Variants in KCNMA1 observed in about 807,000 individuals in gnomAD.
KCNMA1 encodes potassium calcium-activated channel subfamily M alpha 1.
Under a neutral mutation model 140.0 loss-of-function variants are expected in KCNMA1, and 29 were observed. The observed-to-expected ratio is 0.21, with a 90% CI of 0.15 to 0.28. The LOEUF (loss-of-function observed/expected upper bound fraction) is 0.28, where lower values mean the gene tolerates loss of function less well. Among genes scored for constraint, KCNMA1 ranks in the 10% least tolerant of loss-of-function variants. The probability of loss-of-function intolerance (pLI) is 1.00; values close to 1 mark genes in which losing one functional copy is unlikely to be tolerated. For missense variants in KCNMA1, 880 were observed against 1,602.2 expected, an observed-to-expected ratio of 0.55 and a Z score of 7.70; for synonymous variants, 612 against 611.9, an observed-to-expected ratio of 1.00 and a Z score of 0.00.
intron 1 of KCNMA1, chr10:77,494,025 A>G (rs1323206345): frequency 6.6e-6 from 1 of 152,270 alleles, no homozygotes; most frequent in Non-Finnish European, 1.5e-5. Context: ...CAGGCTGAAC[A>G]AGACAGGGCC....
intron 2 of KCNMA1, among the ~76,000 whole-genome samples, chr10:77,291,050 A>G (rs183373114): frequency 6.6e-6 from 1 of 152,300 alleles, no homozygotes; most frequent in Admixed American, 6.5e-5. Context: ...CAGGAAAGTT[A>G]GCACACACAT....
rs567239057 is a variant in KCNMA1 at position 76,922,750 on chromosome 10, A to G, written c.2903-7701T>C. ...CCTGCACACAAATGTGCCTAAAACC[A>G]GAGACATTCCAGTTATATGTCTCTG... is the stretch of plus-strand genomic sequence containing the variant. On this transcript the variant is annotated intron_variant, in intron 23 of 27. Coordinates refer to ENST00000286628, the MANE Select transcript of KCNMA1 (RefSeq NM_001161352.2). 6.6e-5 allele frequency among the ~76,000 whole-genome samples: 10 copies of G among 152,356 alleles called. No individual in the cohort carries two copies. In the South Asian group the frequency reaches 2.1e-3, roughly 32 times the overall value.
At chr10:77,417,028 G>A (rs779290920) in intron 1 of KCNMA1, among the ~76,000 whole-genome samples, 42 of 152,146 alleles carry the variant, frequency 2.8e-4, no homozygotes, top group Middle Eastern at 3.4e-3. Flanking sequence ...CTGACTTCTC[G>A]GCTATGACTT....
chr10:77,363,496 A>C (rs1183286458), intron 2 of KCNMA1, among the ~76,000 whole-genome samples: 1 of 152,194 alleles, frequency 6.6e-6, no homozygotes, highest in African/African-American at 2.4e-5. Flanking sequence ...ACCCTTAGTA[A>C]CCTTTTATTC....
At chr10:76,937,695 TAG>T (rs1227427668) in intron 23 of KCNMA1, among the ~76,000 whole-genome samples, 1 of 152,220 alleles carries the variant, frequency 6.6e-6, no homozygotes, top group East Asian at 1.9e-4. Context: ...TCTCAGACTT[TAG>T]GATAGGGAAG....
At chr10:76,907,073 C>T (rs74952235) in intron 25 of KCNMA1, among the ~76,000 whole-genome samples, 4,774 of 152,286 alleles carry the variant, frequency 0.031, 119 homozygotes, top group East Asian at 0.12. Context: ...TAAAGTGCCT[C>T]GCACAGTTCT....
intron 12 of KCNMA1, among the ~76,000 whole-genome samples, chr10:77,084,434 C>T (rs1019800818): frequency 6.6e-6 from 1 of 152,196 alleles, no homozygotes; most frequent in Non-Finnish European, 1.5e-5. Flanking sequence ...GGGTGAGCTT[C>T]CGGTTGGTGA....
At chr10:76,893,157 AT>A (rs1289535042) in intron 25 of KCNMA1, among the ~76,000 whole-genome samples, 3 of 152,148 alleles carry the variant, frequency 2.0e-5, no homozygotes, top group African/African-American at 7.2e-5. Context: ...GTTATTTAAC[AT>A]TTTTGTGCCT....
At chr10:77,580,357 G>C (rs2075506135) in intron 1 of KCNMA1, among the ~76,000 whole-genome samples, 1 of 143,154 alleles carries the variant, frequency 7.0e-6, no homozygotes, top group South Asian at 2.2e-4. Context: ...CTCCAGCCTG[G>C]ACAACAGAGG....
intron 3 of KCNMA1, among the ~76,000 whole-genome samples, chr10:77,212,128 C>CA (rs897331426): frequency 1.3e-5 from 2 of 152,026 alleles, no homozygotes; most frequent in African/African-American, 4.8e-5. Flanking sequence ...ATAATTATAC[C>CA]AAAAAAACAC....
chr10:77,513,917 C>T (rs1292411254), intron 1 of KCNMA1, among the ~76,000 whole-genome samples: 1 of 152,238 alleles, frequency 6.6e-6, no homozygotes, highest in Non-Finnish European at 1.5e-5. Context: ...CCCTCCCCTC[C>T]TGCATCTGGG....
In KCNMA1 at chr10:77,027,805, GGGTCACC is replaced by G; in HGVS notation, c.1928+11_1928+17del. 6.2e-7 allele frequency: 1 copy of G among 1,610,024 alleles called. No homozygotes were observed. The highest frequency in any genetic ancestry group is 8.5e-7 in the Non-Finnish European group (1 of 1,176,438). On this transcript the variant is annotated intron_variant, in intron 16 of 27. Transcript: ENST00000286628. ...CCATCAAAAGTGTCAGCTGGCTGCT[GGGTCACC>G]GCAAACTTACCGGCTCTCTCGGTTG...
At chr10:77,297,834 T>A (rs1256691044) in intron 2 of KCNMA1, among the ~76,000 whole-genome samples, 1 of 152,176 alleles carries the variant, frequency 6.6e-6, no homozygotes, top group Non-Finnish European at 1.5e-5. Context: ...TGTCTTTAAT[T>A]TCCTGGTTAA....
chr10:77,230,197 G>A (rs368624812), intron 3 of KCNMA1, among the ~76,000 whole-genome samples: 11 of 152,306 alleles, frequency 7.2e-5, no homozygotes, highest in Admixed American at 2.0e-4. Flanking sequence ...CACAAAGGTC[G>A]CAAATATATG....
At chr10:77,601,484 T>TCG (rs2082620736) in intron 1 of KCNMA1, among the ~76,000 whole-genome samples, 1 of 152,168 alleles carries the variant, frequency 6.6e-6, no homozygotes, top group Non-Finnish European at 1.5e-5. Context: ...AATAACACCA[T>TCG]CGCCTTAGAC....
chr10:76,890,598 A>G (rs1207444126), intron 26 of KCNMA1, among the ~76,000 whole-genome samples: 1 of 152,224 alleles, frequency 6.6e-6, no homozygotes, highest in Non-Finnish European at 1.5e-5. Context: ...CTGTTTCAGA[A>G]AAAACAGAGA....
intron 6 of KCNMA1, among the ~76,000 whole-genome samples, chr10:77,114,133 G>T (rs2097392812): frequency 6.6e-6 from 1 of 152,160 alleles, no homozygotes; most frequent in Non-Finnish European, 1.5e-5. Context: ...CCTTGAGTGA[G>T]GCCCCGAGAC....
chr10:77,196,377 G>T (rs1215759913), intron 3 of KCNMA1, among the ~76,000 whole-genome samples: 3 of 152,184 alleles, frequency 2.0e-5, no homozygotes, highest in Non-Finnish European at 4.4e-5. Context: ...CAAGCCCCCA[G>T]ATGAAAACGT....
At chr10:77,484,068 T>C (rs879452443) in intron 1 of KCNMA1, among the ~76,000 whole-genome samples, 7 of 152,250 alleles carry the variant, frequency 4.6e-5, no homozygotes, top group Non-Finnish European at 1.0e-4. Flanking sequence ...AGGCTCTTTG[T>C]GCCTGCAAGT....
Sources: gnomAD v4.1 joint callset for allele counts (sites outside exome capture counted in the v4.1 genomes callset) on GRCh38, gnomAD v4.1.1 for gene constraint, MANE v1.5 for transcripts, NCBI Gene and HGNC (gene_info 2026-07-23, HGNC 2026-07-21) for gene names.